The following FAT3 variants were observed in gnomAD, a reference collection of about 807,000 sequenced individuals.
FAT3 encodes the protein protocadherin Fat 3.
A neutral mutation model predicts 310.2 loss-of-function variants in FAT3; 95 were observed. The observed-to-expected ratio is 0.31, with a 90% CI of 0.26 to 0.36. FAT3 has a LOEUF of 0.36. FAT3 is among the 10% of genes least tolerant of loss of function. The pLI is 1.00. For synonymous variants in FAT3, 2,314 were observed against 2,192.9 expected, an observed-to-expected ratio of 1.06 and a Z score of -1.54; for missense variants, 5,408 against 5,715.6, an observed-to-expected ratio of 0.95 and a Z score of 1.74.
chr11:92,268,882 G>C (rs1240495935), intron 1 of FAT3, among the ~76,000 whole-genome samples: 2 of 152,128 alleles, frequency 1.3e-5, no homozygotes, highest in Non-Finnish European at 2.9e-5. Flanking sequence ...ACATTTTCAA[G>C]GGAGATTTTT....
At chr11:92,470,560 T>C (rs1951879090) in intron 2 of FAT3, among the ~76,000 whole-genome samples, 1 of 152,198 alleles carries the variant, frequency 6.6e-6, no homozygotes, top group Non-Finnish European at 1.5e-5. Flanking sequence ...CTTTCTTAGA[T>C]TGTAAGTCCT....
At position 92,352,804 on chromosome 11, in the gene FAT3, T is replaced by G. The variant is rs764717003; in HGVS notation, c.692T>G (p.Ile231Ser). Residue 231 changes from isoleucine to serine, a missense_variant, in exon 2 of 28, where the codon ATT becomes AGT. By Grantham distance (142) the Ile-to-Ser change is moderately radical (BLOSUM62 -2). Transcript: ENST00000525166. Reference protein sequence around the residue: ...YDEKNRYDLEILAVDRGMKLY... With the variant: ...YDEKNRYDLESLAVDRGMKLY... Reference sequence around the variant, plus strand: ...GAAAAGAATAGGTATGATCTGGAAATTTTGGCTGTGGACCGGGGAATGAAA... The same window carrying G: ...GAAAAGAATAGGTATGATCTGGAAAGTTTGGCTGTGGACCGGGGAATGAAA... 6.2e-7 allele frequency: 1 copy of G among 1,613,832 alleles called. No homozygotes were observed. The highest frequency in any genetic ancestry group is 8.5e-7 in the Non-Finnish European group (1 of 1,179,878).
At chr11:92,504,838 A>G (rs1378377313) in intron 2 of FAT3, among the ~76,000 whole-genome samples, 1 of 152,156 alleles carries the variant, frequency 6.6e-6, no homozygotes, top group Non-Finnish European at 1.5e-5. Flanking sequence ...CACTCATTCA[A>G]TAGTCAGACA....
At position 92,642,623 on chromosome 11, in the gene FAT3, G is replaced by T. The variant is rs114586312; in HGVS notation, c.3608-54761G>T. 4.2e-3 allele frequency among the ~76,000 whole-genome samples: 643 copies of T among 152,338 alleles called. 4 individuals carry two copies. The highest frequency in any genetic ancestry group is 0.015 in the African/African-American group (611 of 41,578). On this transcript the variant is annotated intron_variant, in intron 3 of 27. Coordinates refer to ENST00000525166, the MANE Select transcript of FAT3 (RefSeq NM_001367949.2). ...CCTTTAATTTCCATCATTAAACAAG[G>T]CAGATAGTGATGCATTACTGCCCAT...
chr11:92,266,674 A>G (rs1288915273), intron 1 of FAT3, among the ~76,000 whole-genome samples: 1 of 152,178 alleles, frequency 6.6e-6, no homozygotes, highest in Non-Finnish European at 1.5e-5. Flanking sequence ...ATCCTCGAGT[A>G]GCAAGCTCTC....
At chr11:92,486,585 C>G (rs1393695326) in intron 2 of FAT3, among the ~76,000 whole-genome samples, 3 of 152,200 alleles carry the variant, frequency 2.0e-5, no homozygotes, top group East Asian at 3.9e-4. Context: ...TTTTTATGCT[C>G]TCTCTTAGAC....
intron 2 of FAT3, among the ~76,000 whole-genome samples, chr11:92,410,250 A>G (rs1328040995): frequency 6.6e-6 from 1 of 151,938 alleles, no homozygotes; most frequent in Admixed American, 6.6e-5. Flanking sequence ...CCTGCATGCT[A>G]TGTAGCCACT....
At chr11:92,389,351 A>T (rs1949698831) in intron 2 of FAT3, among the ~76,000 whole-genome samples, 1 of 152,188 alleles carries the variant, frequency 6.6e-6, no homozygotes, top group East Asian at 1.9e-4. Flanking sequence ...CGGACCTAAC[A>T]ATGGTGACTA....
intron 1 of FAT3, among the ~76,000 whole-genome samples, chr11:92,323,575 C>A (rs1483031844): frequency 2.2e-5 from 3 of 138,912 alleles, no homozygotes; most frequent in East Asian, 2.0e-4. Flanking sequence ...TTAAGGGAAT[C>A]TTTTTTTTTC....
At position 92,446,226 on chromosome 11, in the gene FAT3, A is replaced by G. The variant is rs765633352; in HGVS notation, c.3293-78408A>G. On this transcript the variant is annotated intron_variant, in intron 2 of 27. Transcript: ENST00000525166. ...GTTGTGAATGATACTATGTGCTTACATGCACAATCACAAAATAGCCCTAGG... is the reference window on the plus strand; with the variant it reads ...GTTGTGAATGATACTATGTGCTTACGTGCACAATCACAAAATAGCCCTAGG... Among the ~76,000 whole-genome samples, 9 of 152,220 alleles carry G rather than the reference A, an allele frequency of 5.9e-5. No homozygotes were observed. The East Asian group carries it at 1.5e-3, about 26-fold the overall frequency.
chr11:92,636,615 A>T (rs1382455463), intron 3 of FAT3, among the ~76,000 whole-genome samples: 1 of 152,228 alleles, frequency 6.6e-6, no homozygotes, highest in Non-Finnish European at 1.5e-5. Context: ...TCAATCTGTG[A>T]TAAAAAAGTA....
intron 17 of FAT3, among the ~76,000 whole-genome samples, chr11:92,838,871 C>A (rs1009462954): frequency 1.3e-5 from 2 of 152,212 alleles, no homozygotes; most frequent in Non-Finnish European, 2.9e-5. Context: ...TGGTTCCCAC[C>A]CCTTTGTCAG....
At chr11:92,748,896 T>C (rs993129983) in intron 4 of FAT3, 1 of 152,240 alleles carries the variant, frequency 6.6e-6, no homozygotes, top group Non-Finnish European at 1.5e-5. Context: ...CTTTGAGATC[T>C]ACCCTTTAAT....
At chr11:92,734,560 A>G (rs1945283433) in intron 4 of FAT3, among the ~76,000 whole-genome samples, 1 of 152,248 alleles carries the variant, frequency 6.6e-6, no homozygotes, top group Admixed American at 6.5e-5. Context: ...GTTGGTTATC[A>G]TAATAATAAT....
intron 2 of FAT3, among the ~76,000 whole-genome samples, chr11:92,472,939 C>G (rs1951947065): frequency 6.6e-6 from 1 of 152,198 alleles, no homozygotes; most frequent in South Asian, 2.1e-4. Context: ...AGGCTGCTTG[C>G]TCTTCGTTTA....
chr11:92,832,767 G>A (rs915517495), intron 14 of FAT3, among the ~76,000 whole-genome samples: 20 of 152,242 alleles, frequency 1.3e-4, no homozygotes, highest in South Asian at 2.1e-4. Context: ...ATGAGCCTCC[G>A]TGTGCAACTG....
At chr11:92,804,753 A>G (rs1201707879) in intron 10 of FAT3, among the ~76,000 whole-genome samples, 3 of 152,192 alleles carry the variant, frequency 2.0e-5, no homozygotes, top group Non-Finnish European at 2.9e-5. Flanking sequence ...TGCATAATCA[A>G]CGGCTAATGA....
intron 1 of FAT3, among the ~76,000 whole-genome samples, chr11:92,251,370 G>T (rs891768863): frequency 6.6e-6 from 1 of 152,078 alleles, no homozygotes; most frequent in Non-Finnish European, 1.5e-5. Context: ...GTTATATATA[G>T]TGCATCCAAT....
chr11:92,409,115 T>C (rs936993559), intron 2 of FAT3, among the ~76,000 whole-genome samples: 2 of 152,224 alleles, frequency 1.3e-5, no homozygotes, highest in Admixed American at 6.5e-5. Flanking sequence ...TTTCTTCTCG[T>C]GATATTTAAA....
Sources: gnomAD v4.1 joint callset for allele counts (sites outside exome capture counted in the v4.1 genomes callset) on GRCh38, gnomAD v4.1.1 for gene constraint, MANE v1.5 for transcripts, NCBI Gene and HGNC (gene_info 2026-07-23, HGNC 2026-07-21) for gene names.